The following KIF26B variants were observed in gnomAD, a reference collection of about 807,000 sequenced individuals.
KIF26B encodes the protein kinesin family member 26B, also known as kinesin-like protein KIF26B.
In KIF26B, 63 loss-of-function variants were observed where a neutral mutation model predicts 151.2. That is an observed-to-expected ratio of 0.42 (90% CI 0.34 to 0.51). The LOEUF is 0.51. Among genes scored for constraint, KIF26B ranks in the 20% least tolerant of loss-of-function variants. The pLI is 0.07. For synonymous variants in KIF26B, 1,357 were observed against 1,262.1 expected, an observed-to-expected ratio of 1.08 and a Z score of -1.59; for missense variants, 2,813 against 2,913.6, an observed-to-expected ratio of 0.97 and a Z score of 0.79.
At position 245,384,688 on chromosome 1, in the gene KIF26B, AT is replaced by A. The variant is rs200027878; in HGVS notation, c.999+17324del. ...ATCACGTATTTATGGAGTCCTGAACATTTAATCAACAACTGTTTTATTGAGC... is the reference window on the plus strand; with the variant it reads ...ATCACGTATTTATGGAGTCCTGAACATTAATCAACAACTGTTTTATTGAGC... On this transcript the variant is annotated intron_variant, in intron 3 of 14. Coordinates refer to ENST00000407071, the MANE Select transcript of KIF26B (RefSeq NM_018012.4). 9.5e-3 allele frequency among the ~76,000 whole-genome samples: 1,443 copies of A among 152,382 alleles called. 29 individuals carry two copies. The highest frequency in any genetic ancestry group is 0.033 in the African/African-American group (1,380 of 41,602).
chr1:245,614,555 G>A (rs1009651875), intron 9 of KIF26B, among the ~76,000 whole-genome samples: 1 of 152,244 alleles, frequency 6.6e-6, no homozygotes, highest in Non-Finnish European at 1.5e-5. Context: ...AGCTGGGGCT[G>A]GAGTTCCTCT....
intron 2 of KIF26B, among the ~76,000 whole-genome samples, chr1:245,324,816 C>T (rs942071513): frequency 5.3e-5 from 8 of 151,994 alleles, no homozygotes; most frequent in Non-Finnish European, 1.5e-5. Flanking sequence ...AAATGGGGGC[C>T]GGGCACGGTG....
At chr1:245,561,920 C>T (rs887113984) in intron 5 of KIF26B, among the ~76,000 whole-genome samples, 3 of 152,204 alleles carry the variant, frequency 2.0e-5, no homozygotes, top group Admixed American at 6.5e-5. Flanking sequence ...TCTCAGTCTC[C>T]ATCCCAAGGC....
At chr1:245,465,989 G>T (rs950649389) in intron 4 of KIF26B, among the ~76,000 whole-genome samples, 2 of 152,238 alleles carry the variant, frequency 1.3e-5, no homozygotes, top group African/African-American at 4.8e-5. Flanking sequence ...TAGAGAGATT[G>T]AAGAGTGGAC....
chr1:245,211,889 A>C (rs1054179276), intron 2 of KIF26B, among the ~76,000 whole-genome samples: 4 of 152,126 alleles, frequency 2.6e-5, no homozygotes, highest in Admixed American at 2.6e-4. Context: ...CACCGTATCA[A>C]ATGCTTGTGA....
In KIF26B at chr1:245,443,889, TGCG is replaced by T. The variant is rs1659182877; in HGVS notation, c.1166+24146_1166+24148del. 1.3e-4 allele frequency among the ~76,000 whole-genome samples: 10 copies of T among 77,486 alleles called. 2 individuals carry two copies. Among genetic ancestry groups the T allele is most frequent in the African/African-American group, 3.9e-4 (8 of 20,526 alleles). 50.8% of individuals were successfully genotyped at this position (77,486 alleles called of 152,430 possible). On this transcript the variant is annotated intron_variant, in intron 4 of 14. Transcript: ENST00000407071. ...CGGTCATCTCCCTCACTGTTCACCC[TGCG>T]GTCATCTCCCTCACTGTTCACCCTG...
chr1:245,586,158 A>AGTGTGT (rs10526699), intron 5 of KIF26B, among the ~76,000 whole-genome samples: 5,501 of 142,088 alleles, frequency 0.039, 123 homozygotes, highest in Middle Eastern at 0.07. Context: ...CACCATGACC[A>AGTGTGT]GTGTGTGTGT....
At chr1:245,267,634 G>GCACACACACACACA (rs66498609) in intron 2 of KIF26B, among the ~76,000 whole-genome samples, 5 of 136,234 alleles carry the variant, frequency 3.7e-5, no homozygotes, top group Non-Finnish European at 7.9e-5. Context: ...GCTAAGTAAT[G>GCACACACACACACA]CACACACACA....
At chr1:245,222,234 C>T (rs750849352) in intron 2 of KIF26B, among the ~76,000 whole-genome samples, 8 of 152,174 alleles carry the variant, frequency 5.3e-5, no homozygotes, top group East Asian at 1.9e-4. Flanking sequence ...GTCAGGAGTT[C>T]GAGACCAGCC....
intron 4 of KIF26B, among the ~76,000 whole-genome samples, chr1:245,440,400 A>C (rs551169461): frequency 6.6e-6 from 1 of 152,238 alleles, no homozygotes; most frequent in East Asian, 1.9e-4. Context: ...ATTATTCATT[A>C]AGTTTTGGAA....
At chr1:245,423,097 CA>C (rs35659375) in intron 4 of KIF26B, among the ~76,000 whole-genome samples, 207 of 77,648 alleles carry the variant, frequency 2.7e-3, no homozygotes, top group Middle Eastern at 0.019. Flanking sequence ...GACTCAGTCT[CA>C]AAAAAAAAAA....
intron 2 of KIF26B, among the ~76,000 whole-genome samples, chr1:245,328,254 AG>A (rs1558390521): frequency 1.1e-5 from 1 of 89,662 alleles, no homozygotes; most frequent in Non-Finnish European, 2.3e-5. Flanking sequence ...TGCAGGGGGG[AG>A]GGGGGTCCCA....
chr1:245,632,496 C>A (rs936615598), intron 9 of KIF26B, among the ~76,000 whole-genome samples: 3 of 152,200 alleles, frequency 2.0e-5, no homozygotes, highest in Non-Finnish European at 2.9e-5. Context: ...TATTTTGCAG[C>A]ACTTGAATGA....
At chr1:245,612,282 T>A (rs1402486505) in intron 9 of KIF26B, among the ~76,000 whole-genome samples, 1 of 152,108 alleles carries the variant, frequency 6.6e-6, no homozygotes, top group African/African-American at 2.4e-5. Flanking sequence ...AGCTATTTAT[T>A]TGGTTATCTT....
chr1:245,500,101 T>C (rs1660590940), intron 4 of KIF26B, among the ~76,000 whole-genome samples: 1 of 152,238 alleles, frequency 6.6e-6, no homozygotes, highest in Non-Finnish European at 1.5e-5. Flanking sequence ...GTGTCTTACA[T>C]ATTCATTGTC....
chr1:245,349,395 T>C (rs1271936186), intron 2 of KIF26B, among the ~76,000 whole-genome samples: 1 of 152,078 alleles, frequency 6.6e-6, no homozygotes, highest in Non-Finnish European at 1.5e-5. Flanking sequence ...TTGATGGTAA[T>C]GGATGGAAAT....
At chr1:245,308,995 G>T (rs1318002855) in intron 2 of KIF26B, among the ~76,000 whole-genome samples, 1 of 152,194 alleles carries the variant, frequency 6.6e-6, no homozygotes, top group Non-Finnish European at 1.5e-5. Flanking sequence ...AAACCAGTTG[G>T]CCAAGGAAGA....
At chr1:245,234,661 G>T (rs1441963672) in intron 2 of KIF26B, among the ~76,000 whole-genome samples, 4 of 152,194 alleles carry the variant, frequency 2.6e-5, no homozygotes, top group African/African-American at 9.7e-5. Context: ...CCAGTCTGCA[G>T]GTGGAAGTTC....
chr1:245,628,863 G>A (rs1363077689), intron 9 of KIF26B, among the ~76,000 whole-genome samples: 1 of 152,158 alleles, frequency 6.6e-6, no homozygotes, highest in Non-Finnish European at 1.5e-5. Context: ...TATCATTGGA[G>A]CCCAAAAACT....
Sources: allele counts gnomAD v4.1 joint callset (sites outside exome capture counted in the v4.1 genomes callset), GRCh38; gene constraint gnomAD v4.1.1; transcripts MANE v1.5; gene names NCBI Gene and HGNC (gene_info 2026-07-23, HGNC 2026-07-21).